SPAG9: variants seen among roughly 807,000 people sequenced by gnomAD.
SPAG9 encodes the protein sperm associated antigen 9, also known as C-Jun-amino-terminal kinase-interacting protein 4.
Under a neutral mutation model 166.5 loss-of-function variants are expected in SPAG9, and 35 were observed. That is an observed-to-expected ratio of 0.21 (90% CI 0.16 to 0.28). The LOEUF is 0.28. SPAG9 is among the 10% of genes least tolerant of loss of function. SPAG9 has a pLI of 1.00. For synonymous variants in SPAG9, 534 were observed against 565.5 expected (o/e 0.94, Z 0.79); for missense variants, 1,235 against 1,603.3 (o/e 0.77, Z 3.92).
chr17:50,976,999 T>C (rs1974253776), intron 27 of SPAG9, 109 bp downstream of exon 27: 1 of 692,894 alleles, frequency 1.4e-6, no homozygotes, highest in East Asian at 2.6e-5. Flanking sequence ...TATAGCTAGA[T>C]CTTTGCCATC....
At chr17:50,987,415 C>T (rs977308097) in intron 21 of SPAG9, among the ~76,000 whole-genome samples, 178 bp from the exon 22 acceptor site, 14 of 152,190 alleles carry the variant, frequency 9.2e-5, no homozygotes, top group African/African-American at 3.4e-4. Flanking sequence ...TCAGGGCTCA[C>T]TGCAGCCTTG....
chr17:50,981,964 C>T (rs1220730554), intron 25 of SPAG9, among the ~76,000 whole-genome samples: 2 of 149,806 alleles, frequency 1.3e-5, no homozygotes, highest in African/African-American at 4.9e-5. Flanking sequence ...ACCTGGGAGA[C>T]GAAAGTTGCA....
chr17:50,984,893 T>C (rs945065301), intron 24 of SPAG9, 30 bp downstream of exon 24: 1 of 1,573,128 alleles, frequency 6.4e-7, no homozygotes, highest in Non-Finnish European at 8.7e-7. Context: ...AACAAATTAG[T>C]GTCCATGTTA....
At chr17:50,970,274 A>G (rs1973679188) in intron 29 of SPAG9, among the ~76,000 whole-genome samples, 3 of 152,122 alleles carry the variant, frequency 2.0e-5, no homozygotes, top group African/African-American at 7.2e-5. Flanking sequence ...TCCCAGCTGG[A>G]AGGCCGAGGC....
intron 3 of SPAG9, among the ~76,000 whole-genome samples, chr17:51,054,703 T>G (rs2047311744): frequency 6.6e-6 from 1 of 152,090 alleles, no homozygotes. Flanking sequence ...CCCAAAGTGC[T>G]GGGATTACAG....
At chr17:50,983,580 C>T (rs549314564) in intron 24 of SPAG9, among the ~76,000 whole-genome samples, 1 of 152,340 alleles carries the variant, frequency 6.6e-6, no homozygotes, top group Non-Finnish European at 1.5e-5. Flanking sequence ...CATGTCTCCC[C>T]ATCGTGCTCT....
chr17:50,999,546 T>TA (rs61490626), intron 14 of SPAG9, 115 bp downstream of exon 14: 27,717 of 1,224,400 alleles, frequency 0.023, 227 homozygotes, highest in East Asian at 0.18. Flanking sequence ...ACCCCTAGTT[T>TA]AAAAAAAAAA....
chr17:51,070,072 TA>T (rs11418069), intron 2 of SPAG9, among the ~76,000 whole-genome samples: 8 of 135,826 alleles, frequency 5.9e-5, no homozygotes, highest in Admixed American at 1.5e-4. Context: ...CCTCATCTCT[TA>T]AAAAAAAAAA....
intron 5 of SPAG9, among the ~76,000 whole-genome samples, chr17:51,040,844 C>T (rs977763129): frequency 6.6e-6 from 1 of 152,012 alleles, no homozygotes; most frequent in Non-Finnish European, 1.5e-5. Context: ...TATAAGGTAA[C>T]AAAAGATCTT....
chr17:50,962,467 C>G lies in SPAG9; in HGVS notation c.*3805G>C, dbSNP rs1394519412. 1 of 152,162 alleles carries G rather than the reference C, an allele frequency of 6.6e-6. No individual in the cohort carries two copies. Among genetic ancestry groups the G allele is most frequent in the African/African-American group, 2.4e-5 (1 of 41,450 alleles). 9.4% of individuals were successfully genotyped at this position (152,162 alleles called of 1,614,324 possible). A position where few individuals can be genotyped will look rare whatever the true frequency, so the allele number is the denominator to read the frequency against. The stretch of plus-strand genomic sequence containing the variant: ...GAAATGTATGACAAAATTAATAAAA[C>G]TTAATCTTTTAAGAGAAAAGACAGA... On this transcript the variant is annotated 3_prime_UTR_variant, in exon 30 of 30. Transcript: ENST00000262013.
Position 50,990,604 on chromosome 17 carries a change from T to A in SPAG9, c.2463A>T (p.Ala821=), listed in dbSNP as rs779158869. Residue 821 remains alanine, a synonymous_variant, in exon 20 of 30, where the codon GCA becomes GCT. Transcript: ENST00000262013. ...TGCTTGTCATACTTCCACATAAAGA[T>A]GCTTTGTCTACCTGACCAGATTCTG... is the stretch of plus-strand genomic sequence containing the variant. ...DLSESGQVDK[A]SLCGSMTSNS... 89 of 1,614,128 alleles carry A rather than the reference T, an allele frequency of 5.5e-5. No individual in the cohort carries two copies. Among genetic ancestry groups the A allele is most frequent in the Non-Finnish European group, 7.4e-5 (87 of 1,180,050 alleles).
intron 1 of SPAG9, among the ~76,000 whole-genome samples, chr17:51,103,591 G>A (rs904009505): frequency 7.2e-5 from 11 of 152,174 alleles, no homozygotes; most frequent in Non-Finnish European, 8.8e-5. Context: ...AGATCACAAG[G>A]TCTTGTATGT....
chr17:51,118,907 G>T (rs553173701), intron 1 of SPAG9, among the ~76,000 whole-genome samples: 1 of 151,974 alleles, frequency 6.6e-6, no homozygotes, highest in East Asian at 1.9e-4. Context: ...AATGAGCGGG[G>T]AGTGTTGTCC....
At chr17:51,096,026 TATATATATAGTGATATATATATATAGTG>T (rs2048634355) in intron 1 of SPAG9, among the ~76,000 whole-genome samples, 1 of 136,890 alleles carries the variant, frequency 7.3e-6, no homozygotes. Flanking sequence ...TATAGTGATA[TATATATATAGTGATATATATATATAGTG>T]ATATATATAT....
chr17:51,034,222 T>G (rs770706158), intron 5 of SPAG9, among the ~76,000 whole-genome samples: 3 of 152,242 alleles, frequency 2.0e-5, no homozygotes, highest in Non-Finnish European at 4.4e-5. Context: ...CTTAAAACTC[T>G]ACTTTTATTT....
chr17:51,018,119 G>A (rs1030685554), intron 8 of SPAG9, among the ~76,000 whole-genome samples: 1 of 151,936 alleles, frequency 6.6e-6, no homozygotes, highest in African/African-American at 2.4e-5. Flanking sequence ...TGAGGCAGGC[G>A]GATCACTGGT....
intron 3 of SPAG9, among the ~76,000 whole-genome samples, chr17:51,049,323 T>C: frequency 6.6e-6 from 1 of 150,888 alleles, no homozygotes; most frequent in Non-Finnish European, 1.5e-5. Context: ...GCTATGATCA[T>C]GCCACTGCAC....
intron 5 of SPAG9, among the ~76,000 whole-genome samples, chr17:51,032,231 G>A (rs960564037): frequency 3.9e-5 from 6 of 152,142 alleles, no homozygotes; most frequent in South Asian, 2.1e-4. Flanking sequence ...ACACGATCAC[G>A]GCTTGCTGCA....
rs538415657 is a variant in SPAG9 at position 51,033,682 on chromosome 17, T to A, written c.742-1960A>T. On this transcript the variant is annotated intron_variant, in intron 5 of 29. Transcript: ENST00000262013. ...TAGTAAAATAACTTTTTAAAAGAAA[T>A]TATAAAGGCCTCTTTTAGAAAATAT... 4.6e-5 allele frequency among the ~76,000 whole-genome samples: 7 copies of A among 152,254 alleles called. No individual in the cohort carries two copies. The South Asian group carries it at 1.5e-3, about 32-fold the overall frequency.
Sources: allele counts gnomAD v4.1 joint callset (sites outside exome capture counted in the v4.1 genomes callset), GRCh38; gene constraint gnomAD v4.1.1; transcripts MANE v1.5; gene names NCBI Gene and HGNC (gene_info 2026-07-23, HGNC 2026-07-21).